Variants in SIK2 observed in about 807,000 individuals in gnomAD.
The protein encoded by SIK2 is serine/threonine-protein kinase SIK2.
A neutral mutation model predicts 103.2 loss-of-function variants in SIK2; 29 were observed. That is an observed-to-expected ratio of 0.28 (90% CI 0.21 to 0.38). The LOEUF (loss-of-function observed/expected upper bound fraction) is 0.38, where lower values mean the gene tolerates loss of function less well. Among genes scored for constraint, SIK2 ranks in the 10% least tolerant of loss-of-function variants. The probability of loss-of-function intolerance (pLI) is 1.00; values close to 1 mark genes in which losing one functional copy is unlikely to be tolerated. For synonymous variants in SIK2, 412 were observed against 446.1 expected (o/e 0.92, Z 0.96); for missense variants, 879 against 1,171.0 (o/e 0.75, Z 3.64).
chr11:111,700,010 C>T (rs1943176143), intron 4 of SIK2, among the ~76,000 whole-genome samples: 1 of 152,186 alleles, frequency 6.6e-6, no homozygotes, highest in Non-Finnish European at 1.5e-5. Context: ...CAACATAAGA[C>T]AGCATGAGTA....
At chr11:111,713,740 G>A (rs1344397365) in intron 9 of SIK2, among the ~76,000 whole-genome samples, 6 of 152,170 alleles carry the variant, frequency 3.9e-5, no homozygotes, top group East Asian at 1.9e-4. Context: ...AGGCCAAGGC[G>A]GACAGATCAT....
chr11:111,700,857 G>A (rs1325048591), intron 4 of SIK2, 29 bp from the exon 5 acceptor site: 2 of 1,612,242 alleles, frequency 1.2e-6, no homozygotes, highest in African/African-American at 1.3e-5. Context: ...GAGCATAGAT[G>A]AAAATAACAT....
chr11:111,681,952 A>T (rs1000883154), intron 3 of SIK2, among the ~76,000 whole-genome samples: 1 of 152,212 alleles, frequency 6.6e-6, no homozygotes, highest in Non-Finnish European at 1.5e-5. Flanking sequence ...TCCAAAACCA[A>T]CTATGTCAGA....
At chr11:111,616,414 C>A in intron 2 of SIK2, 55 bp downstream of exon 2, 3 of 963,236 alleles carry the variant, frequency 3.1e-6, no homozygotes, top group Non-Finnish European at 4.8e-6. Context: ...TTCTCTATTT[C>A]GTATCATGAT....
rs1484610885 is a variant in SIK2, at chr11:111,729,399, C to G, written c.*5270C>G. 1 of 152,272 alleles carries G rather than the reference C, an allele frequency of 6.6e-6. No homozygotes were observed. The highest frequency in any genetic ancestry group is 6.5e-5 in the Admixed American group (1 of 15,290). 9.4% of individuals were successfully genotyped at this position (152,272 alleles called of 1,614,324 possible). A position where few individuals can be genotyped will look rare whatever the true frequency, so the allele number is the denominator to read the frequency against. On this transcript the variant is annotated 3_prime_UTR_variant, in exon 15 of 15. Transcript: ENST00000304987. Reference sequence around the variant, plus strand: ...AGCTTATATTTGTACATTAGTTTTACCAAGCACTTTCTCTTCTAACCCTCA... The same window carrying G: ...AGCTTATATTTGTACATTAGTTTTAGCAAGCACTTTCTCTTCTAACCCTCA...
chr11:111,671,878 C>A, intron 3 of SIK2: 1 of 418,534 alleles, frequency 2.4e-6, no homozygotes, highest in East Asian at 6.2e-5. Flanking sequence ...CAAGCTGCCC[C>A]TGCGTATCAC....
chr11:111,719,036 C>A (rs1943725504), intron 9 of SIK2, among the ~76,000 whole-genome samples: 1 of 152,222 alleles, frequency 6.6e-6, no homozygotes, highest in Non-Finnish European at 1.5e-5. Context: ...GGATAGGAAC[C>A]ATCGATAACG....
intron 3 of SIK2, among the ~76,000 whole-genome samples, chr11:111,669,092 T>C (rs1461141163): frequency 6.6e-6 from 1 of 152,204 alleles, no homozygotes; most frequent in Non-Finnish European, 1.5e-5. Flanking sequence ...ATGAAAGTTT[T>C]AAAGAGAACA....
rs575493036 is a variant in SIK2 at position 111,726,214 on chromosome 11, T to C, written c.*2085T>C. 6.6e-6 allele frequency: 1 copy of C among 152,134 alleles called. No individual in the cohort carries two copies. Among genetic ancestry groups the C allele is most frequent in the Non-Finnish European group, 1.5e-5 (1 of 68,018 alleles). 9.4% of individuals were successfully genotyped at this position (152,134 alleles called of 1,614,324 possible). ...TATTAAAATGCCTGCAGATTGAAAATGGGGGCCACTCATTTCAGAACTGCA... is the reference window on the plus strand; with the variant it reads ...TATTAAAATGCCTGCAGATTGAAAACGGGGGCCACTCATTTCAGAACTGCA... On this transcript the variant is annotated 3_prime_UTR_variant, in exon 15 of 15. Transcript: ENST00000304987.
chr11:111,647,702 A>C (rs529207257), intron 3 of SIK2, among the ~76,000 whole-genome samples: 1 of 151,994 alleles, frequency 6.6e-6, no homozygotes, highest in Non-Finnish European at 1.5e-5. Flanking sequence ...CATCTCTACT[A>C]AAAATACAAA....
intron 3 of SIK2, among the ~76,000 whole-genome samples, chr11:111,680,880 C>T (rs944381264): frequency 1.1e-4 from 16 of 152,202 alleles, no homozygotes; most frequent in African/African-American, 3.9e-4. Flanking sequence ...ATACTATATA[C>T]ATAACTTTAA....
intron 2 of SIK2, among the ~76,000 whole-genome samples, chr11:111,619,769 GAATATGAAACTTTTA>G (rs1387696901): frequency 6.6e-6 from 1 of 152,198 alleles, no homozygotes; most frequent in Non-Finnish European, 1.5e-5. Flanking sequence ...GTAGAGCTAT[GAATATGAAACTTTTA>G]AACAATTAGA....
intron 3 of SIK2, chr11:111,672,054 C>A: frequency 2.0e-6 from 1 of 507,412 alleles, no homozygotes; most frequent in South Asian, 1.5e-5. Flanking sequence ...GCTCCAGGAA[C>A]CACAACTTGT....
At chr11:111,696,119 T>G (rs766662947) in intron 4 of SIK2, among the ~76,000 whole-genome samples, 1 of 152,198 alleles carries the variant, frequency 6.6e-6, no homozygotes, top group Non-Finnish European at 1.5e-5. Flanking sequence ...AATTAAAGAC[T>G]CTACCCCTAA....
chr11:111,640,722 A>ATTTT lies in SIK2; in HGVS notation c.316+20347_316+20350dup, dbSNP rs58052684. On this transcript the variant is annotated intron_variant, in intron 3 of 14. Coordinates refer to ENST00000304987, the MANE Select transcript of SIK2 (RefSeq NM_015191.3). ...TTTAGAAAGTCAGAAGAAACAGGCAATTTTTTTTTTTTTTTTTTTTTTTTT... is the reference window on the plus strand; with the variant it reads ...TTTAGAAAGTCAGAAGAAACAGGCAATTTTTTTTTTTTTTTTTTTTTTTTTTTTT... Among the ~76,000 whole-genome samples, 329 of 65,960 alleles carry ATTTT rather than the reference A, an allele frequency of 5.0e-3. 37 individuals carry two copies. The highest frequency in any genetic ancestry group is 0.019 in the East Asian group (38 of 2,018). The allele number at this position is 65,960 out of a possible 152,430, so 43.3% of individuals were successfully genotyped here.
intron 8 of SIK2, among the ~76,000 whole-genome samples, chr11:111,708,864 A>C (rs570607298): frequency 6.6e-6 from 1 of 152,188 alleles, no homozygotes; most frequent in Non-Finnish European, 1.5e-5. Context: ...TCGGGATTGC[A>C]GGACCTGATG....
chr11:111,641,752 A>G (rs888854556), intron 3 of SIK2, among the ~76,000 whole-genome samples: 1 of 152,072 alleles, frequency 6.6e-6, no homozygotes. Flanking sequence ...GACCTTTTAT[A>G]GTGTAGACCT....
At chr11:111,721,775 G>GA in intron 12 of SIK2, 55 bp from the exon 13 acceptor site, 11 of 1,402,600 alleles carry the variant, frequency 7.8e-6, no homozygotes, top group Non-Finnish European at 1.1e-5. Context: ...GCTAAGAACT[G>GA]AGACGTTTTT....
At position 111,617,013 on chromosome 11, in the gene SIK2, G is replaced by C. The variant is rs530520049; in HGVS notation, c.252+654G>C. On this transcript the variant is annotated intron_variant, in intron 2 of 14. Coordinates refer to ENST00000304987, the MANE Select transcript of SIK2 (RefSeq NM_015191.3). Reference sequence around the variant, plus strand: ...GACATACTTTGTCATACATAGGACTGTATTTATTTAATTATTTGGCTTATT... The same window carrying C: ...GACATACTTTGTCATACATAGGACTCTATTTATTTAATTATTTGGCTTATT... Among the ~76,000 whole-genome samples the C allele has an allele frequency of 5.9e-5, 9 of 152,216 alleles. 1 individual carries two copies. Among genetic ancestry groups the C allele is most frequent in the African/African-American group, 2.2e-4 (9 of 41,542 alleles).
Sources: gnomAD v4.1 joint callset for allele counts (sites outside exome capture counted in the v4.1 genomes callset) on GRCh38, gnomAD v4.1.1 for gene constraint, MANE v1.5 for transcripts, NCBI Gene and HGNC (gene_info 2026-07-23, HGNC 2026-07-21) for gene names.